CLYBL: variants seen among roughly 807,000 people sequenced by gnomAD.
CLYBL encodes the protein citramalyl-CoA lyase, mitochondrial.
CLYBL carries 31 observed loss-of-function variants against 38.9 expected under a neutral mutation model. The observed-to-expected ratio is 0.80, with a 90% CI of 0.60 to 1.08. The LOEUF (loss-of-function observed/expected upper bound fraction) is 1.08, where lower values mean the gene tolerates loss of function less well. Among genes scored for constraint, CLYBL ranks in the 50% least tolerant of loss-of-function variants. CLYBL has a pLI of 0.00. For missense variants in CLYBL, 434 were observed against 411.6 expected (o/e 1.05, Z -0.47); for synonymous variants, 171 against 158.6 (o/e 1.08, Z -0.59).
intron 2 of CLYBL, among the ~76,000 whole-genome samples, chr13:99,807,536 G>A (rs999499465): frequency 6.6e-6 from 1 of 152,062 alleles, no homozygotes; most frequent in Non-Finnish European, 1.5e-5. Context: ...TGAACCCTGA[G>A]AATATTACGC....
At chr13:99,872,888 G>A (rs150016090) in intron 7 of CLYBL, among the ~76,000 whole-genome samples, 22 of 151,942 alleles carry the variant, frequency 1.4e-4, no homozygotes, top group East Asian at 9.7e-4. Flanking sequence ...CTGGGAAAAC[G>A]CTCCCAAAGT....
chr13:99,732,906 G>A (rs2048614526), intron 1 of CLYBL, among the ~76,000 whole-genome samples: 1 of 152,116 alleles, frequency 6.6e-6, no homozygotes, highest in Admixed American at 6.6e-5. Context: ...TAGGTAAATA[G>A]TAAATAGGTA....
At chr13:99,717,855 C>G (rs558887009) in intron 1 of CLYBL, among the ~76,000 whole-genome samples, 60 of 152,180 alleles carry the variant, frequency 3.9e-4, no homozygotes, top group Non-Finnish European at 8.1e-4. Flanking sequence ...GTGTATCTGT[C>G]TTGACTACTA....
intron 2 of CLYBL, among the ~76,000 whole-genome samples, chr13:99,812,681 G>A (rs547565832): frequency 6.6e-6 from 1 of 152,310 alleles, no homozygotes; most frequent in East Asian, 1.9e-4. Context: ...ACATGAAGTG[G>A]GAAAAGGAAA....
intron 2 of CLYBL, among the ~76,000 whole-genome samples, chr13:99,789,728 G>A (rs1041055147): frequency 6.6e-6 from 1 of 152,194 alleles, no homozygotes; most frequent in African/African-American, 2.4e-5. Context: ...TTGTTGCAGA[G>A]CTGAGTTCAA....
intron 2 of CLYBL, among the ~76,000 whole-genome samples, chr13:99,818,836 C>A (rs987482230): frequency 1.3e-5 from 2 of 152,166 alleles, no homozygotes; most frequent in Non-Finnish European, 2.9e-5. Context: ...ACACCAGAAG[C>A]ATTTTTCCGC....
intron 6 of CLYBL, among the ~76,000 whole-genome samples, chr13:99,866,637 C>CTTT (rs61652863): frequency 6.9e-6 from 1 of 143,998 alleles, no homozygotes; most frequent in East Asian, 2.0e-4. Flanking sequence ...ATATTAGTTG[C>CTTT]TTTTTTTTTT....
intron 1 of CLYBL, among the ~76,000 whole-genome samples, chr13:99,715,240 C>G (rs574304148): frequency 1.4e-4 from 21 of 152,254 alleles, no homozygotes; most frequent in African/African-American, 4.8e-4. Context: ...TGGACTTTCA[C>G]TCAGCCCGTT....
At chr13:99,755,376 G>C (rs2049044248) in intron 1 of CLYBL, among the ~76,000 whole-genome samples, 1 of 152,114 alleles carries the variant, frequency 6.6e-6, no homozygotes, top group Non-Finnish European at 1.5e-5. Context: ...CCGTACTAAT[G>C]GTCAGTGGAC....
At chr13:99,609,905 T>C (rs1319690151) in intron 1 of CLYBL, among the ~76,000 whole-genome samples, 1 of 151,482 alleles carries the variant, frequency 6.6e-6, no homozygotes, top group Non-Finnish European at 1.5e-5. Flanking sequence ...TACTTTCCTT[T>C]AGTTCTTTTT....
intron 1 of CLYBL, among the ~76,000 whole-genome samples, chr13:99,661,329 T>C (rs975507563): frequency 6.6e-6 from 1 of 152,210 alleles, no homozygotes; most frequent in African/African-American, 2.4e-5. Flanking sequence ...GTAGTTACTC[T>C]AGTTTTTTTA....
At chr13:99,667,007 GTCTA>G in intron 1 of CLYBL, among the ~76,000 whole-genome samples, 1 of 150,206 alleles carries the variant, frequency 6.7e-6, no homozygotes, top group Non-Finnish European at 1.5e-5. Flanking sequence ...CCACCTGAGT[GTCTA>G]CACACTGAAG....
intron 1 of CLYBL, among the ~76,000 whole-genome samples, chr13:99,686,797 G>C (rs1365013777): frequency 6.6e-6 from 1 of 152,144 alleles, no homozygotes; most frequent in East Asian, 1.9e-4. Flanking sequence ...ATCAGTTGGG[G>C]ACGAGCTATG....
chr13:99,855,035 G>C (rs946996974), intron 2 of CLYBL, among the ~76,000 whole-genome samples: 4 of 152,074 alleles, frequency 2.6e-5, no homozygotes, highest in African/African-American at 9.7e-5. Context: ...CTATGACCTG[G>C]GCAGAGTCCA....
chr13:99,772,689 CCT>C (rs1566320775), intron 1 of CLYBL, 133 bp from the exon 2 acceptor site: 4 of 734,856 alleles, frequency 5.4e-6, no homozygotes, highest in African/African-American at 5.4e-5. Context: ...AGAGCAAGAC[CCT>C]GTCTCAAAAA....
chr13:99,854,821 A>G (rs972912447), intron 2 of CLYBL, among the ~76,000 whole-genome samples: 1 of 152,196 alleles, frequency 6.6e-6, no homozygotes, highest in African/African-American at 2.4e-5. Flanking sequence ...ATAGGAATCC[A>G]GTCTCTGAAA....
intron 1 of CLYBL, among the ~76,000 whole-genome samples, chr13:99,617,990 A>C (rs1407086555): frequency 1.3e-5 from 2 of 151,866 alleles, no homozygotes; most frequent in Non-Finnish European, 2.9e-5. Context: ...TGCTGTTTTC[A>C]TTTTTTCCTA....
rs534044819 is a variant in CLYBL at position 99,834,704 on chromosome 13, C to T, written c.250-24157C>T. Reference sequence around the variant, plus strand: ...CACTCTCTGCCACACAGGATGTTCTCGGTCCTCTGCAGCCTGATGATAAGT... The same window carrying T: ...CACTCTCTGCCACACAGGATGTTCTTGGTCCTCTGCAGCCTGATGATAAGT... On this transcript the variant is annotated intron_variant, in intron 2 of 8. Coordinates refer to ENST00000339105, the MANE Select transcript of CLYBL (RefSeq NM_206808.5). Among the ~76,000 whole-genome samples, 9 of 152,322 alleles carry T rather than the reference C, an allele frequency of 5.9e-5. No homozygotes were observed. The South Asian group carries it at 1.7e-3, about 28-fold the overall frequency.
intron 1 of CLYBL, among the ~76,000 whole-genome samples, chr13:99,722,564 G>GATGAATGAATGAGTGA (rs144379480): frequency 0.061 from 8,908 of 145,968 alleles, 369 homozygotes; most frequent in Middle Eastern, 0.13. Context: ...CCAGATGCTG[G>GATGAATGAATGAGTGA]ATGAATGAAT....
Sources: gnomAD v4.1 joint callset for allele counts (sites outside exome capture counted in the v4.1 genomes callset) on GRCh38, gnomAD v4.1.1 for gene constraint, MANE v1.5 for transcripts, NCBI Gene and HGNC (gene_info 2026-07-23, HGNC 2026-07-21) for gene names.